Variants in RGS22 observed in about 807,000 individuals in gnomAD.
The protein encoded by RGS22 is regulator of G-protein signaling 22.
Under a neutral mutation model 172.9 loss-of-function variants are expected in RGS22, and 148 were observed. The observed-to-expected ratio is 0.86, with a 90% CI of 0.75 to 0.98. The LOEUF (loss-of-function observed/expected upper bound fraction) is 0.98, where lower values mean the gene tolerates loss of function less well. Ranked by LOEUF, RGS22 falls within the 50% of genes least tolerant of loss-of-function variation. The pLI is 0.00. For missense variants in RGS22, 1,347 were observed against 1,440.8 expected, an observed-to-expected ratio of 0.93 and a Z score of 1.05; for synonymous variants, 458 against 480.2, an observed-to-expected ratio of 0.95 and a Z score of 0.60.
intron 3 of RGS22, among the ~76,000 whole-genome samples, chr8:100,083,471 G>A (rs1482658258): frequency 6.6e-6 from 1 of 151,928 alleles, no homozygotes. Flanking sequence ...GGGTTCAAGC[G>A]ATTCTCTTGC....
At chr8:100,105,188 C>T (rs1813827944) in intron 2 of RGS22, among the ~76,000 whole-genome samples, 186 bp downstream of exon 2, 1 of 152,058 alleles carries the variant, frequency 6.6e-6, no homozygotes, top group Non-Finnish European at 1.5e-5. Context: ...ATTAATTGGC[C>T]CCTTCTTAAA....
At chr8:99,998,810 T>C (rs912359257) in intron 19 of RGS22, among the ~76,000 whole-genome samples, 1 of 152,028 alleles carries the variant, frequency 6.6e-6, no homozygotes, top group Admixed American at 6.6e-5. Flanking sequence ...CCAGCTGTGG[T>C]GCATGCCACC....
At chr8:100,033,333 G>C (rs191376810) in intron 14 of RGS22, among the ~76,000 whole-genome samples, 15 of 152,020 alleles carry the variant, frequency 9.9e-5, no homozygotes, top group Non-Finnish European at 1.8e-4. Flanking sequence ...TGATAAAGGA[G>C]ATATCACCAC....
rs763498442 is a variant in RGS22 at position 100,004,060 on chromosome 8, G to A, written c.2493C>T (p.Leu831=). 1 of 1,605,264 alleles carries A rather than the reference G, an allele frequency of 6.2e-7. No individual in the cohort carries two copies. Among genetic ancestry groups the A allele is most frequent in the East Asian group, 2.2e-5 (1 of 44,480 alleles). ...TCEIGTGILS[L]SNVSKRTEYW... ...ATTCTGTTCGTTTAGAGACGTTAGA[G>A]AGTGATAAAATGCCAGTTCCAATTT... The change falls in exon 17 of 28, where the codon CTC becomes CTT. Residue 831 remains leucine (L), a synonymous_variant. Transcript: ENST00000360863.
At chr8:99,977,218 C>T (rs1426868681) in intron 23 of RGS22, among the ~76,000 whole-genome samples, 2 of 151,858 alleles carry the variant, frequency 1.3e-5, no homozygotes, top group East Asian at 3.9e-4. Context: ...ATTCTCCTGC[C>T]TCAGCCTCCC....
intron 27 of RGS22, among the ~76,000 whole-genome samples, chr8:99,961,872 TA>T (rs1005179580): frequency 5.3e-5 from 8 of 152,254 alleles, no homozygotes; most frequent in African/African-American, 1.9e-4. Flanking sequence ...ACCAAAAAGC[TA>T]ATCTACAAGC....
At chr8:100,011,674 TA>T (rs1472859724) in intron 14 of RGS22, among the ~76,000 whole-genome samples, 2 of 152,190 alleles carry the variant, frequency 1.3e-5, no homozygotes, top group African/African-American at 4.8e-5. Context: ...ATGGACTAGA[TA>T]CTGACTCCAG....
At chr8:99,964,962 A>G (rs1810574685) in intron 24 of RGS22, among the ~76,000 whole-genome samples, 1 of 152,164 alleles carries the variant, frequency 6.6e-6, no homozygotes, top group Admixed American at 6.5e-5. Flanking sequence ...AAAAACTAAA[A>G]ATTTGAGACT....
rs546487219 is a variant in RGS22, at chr8:100,053,745, C to T, written c.1515-769G>A. 3.1e-3 allele frequency among the ~76,000 whole-genome samples: 475 copies of T among 152,162 alleles called. 3 individuals are homozygous for T. Among genetic ancestry groups the T allele is most frequent in the Non-Finnish European group, 5.6e-3 (383 of 67,992 alleles). ...CTGCCTCCTGGGTTCAAGCAATTCT[C>T]CTGCCTCAGCCTCCCAAGTAGCTGG... On this transcript the variant is annotated intron_variant, in intron 9 of 27. Coordinates refer to ENST00000360863, the MANE Select transcript of RGS22 (RefSeq NM_015668.5).
chr8:100,098,847 TTATTTTA>T, intron 2 of RGS22, among the ~76,000 whole-genome samples: 1 of 139,410 alleles, frequency 7.2e-6, no homozygotes, highest in African/African-American at 2.8e-5. Context: ...ATTTTTTTAT[TTATTTTA>T]TTATTTTATT....
At chr8:100,084,375 T>C (rs1554637328) in intron 3 of RGS22, among the ~76,000 whole-genome samples, 2 of 152,178 alleles carry the variant, frequency 1.3e-5, no homozygotes, top group Non-Finnish European at 2.9e-5. Context: ...AGAAAGTGTA[T>C]GTAAGCATGA....
chr8:100,054,282 A>G (rs1454393351), intron 9 of RGS22: 1 of 152,822 alleles, frequency 6.5e-6, no homozygotes, highest in African/African-American at 2.4e-5. Context: ...GGCCTGGTAG[A>G]AAATTACTTC....
chr8:99,986,984 T>C (rs1304786063), intron 21 of RGS22, among the ~76,000 whole-genome samples: 4 of 152,162 alleles, frequency 2.6e-5, no homozygotes, highest in African/African-American at 9.7e-5. Flanking sequence ...TGTTAATACC[T>C]GAAAAAAAAC....
chr8:100,093,385 C>T, intron 3 of RGS22, 62 bp downstream of exon 3: 2 of 947,158 alleles, frequency 2.1e-6, no homozygotes, highest in Non-Finnish European at 3.3e-6. Context: ...ACAAGATAAC[C>T]CAGTGATTAA....
At chr8:99,986,059 A>G (rs550913423) in intron 21 of RGS22, among the ~76,000 whole-genome samples, 11 of 151,920 alleles carry the variant, frequency 7.2e-5, no homozygotes, top group Admixed American at 1.3e-4. Context: ...GGGAGACCCC[A>G]TCTCTACAAA....
intron 14 of RGS22, among the ~76,000 whole-genome samples, chr8:100,027,212 T>C (rs1373101719): frequency 1.3e-5 from 2 of 151,988 alleles, no homozygotes; most frequent in African/African-American, 2.4e-5. Flanking sequence ...CCAGCTTGGG[T>C]GACAGAGCAA....
intron 20 of RGS22, among the ~76,000 whole-genome samples, chr8:99,995,406 A>G (rs529596507): frequency 2.0e-4 from 30 of 152,358 alleles, no homozygotes; most frequent in African/African-American, 7.2e-4. Flanking sequence ...CGAAGAGCTC[A>G]AACAAATTTA....
intron 6 of RGS22, among the ~76,000 whole-genome samples, chr8:100,067,678 T>A (rs1412423238): frequency 2.7e-5 from 4 of 150,080 alleles, no homozygotes; most frequent in Admixed American, 2.7e-4. Context: ...AGGCTGGAGT[T>A]CAATGGTGCA....
intron 9 of RGS22, among the ~76,000 whole-genome samples, chr8:100,060,306 T>A (rs547125471): frequency 6.6e-6 from 1 of 150,850 alleles, no homozygotes; most frequent in South Asian, 2.1e-4. Context: ...AAGGATTTGA[T>A]CATGTTTCAC....
Sources: allele counts gnomAD v4.1 joint callset (sites outside exome capture counted in the v4.1 genomes callset), GRCh38; gene constraint gnomAD v4.1.1; transcripts MANE v1.5; gene names NCBI Gene and HGNC (gene_info 2026-07-23, HGNC 2026-07-21).